VSIG1: variants seen among roughly 807,000 people sequenced by gnomAD.
VSIG1 encodes the protein V-set and immunoglobulin domain-containing protein 1.
A neutral mutation model predicts 20.1 loss-of-function variants in VSIG1; 11 were observed. The observed-to-expected ratio is 0.55, with a 90% confidence interval of 0.34 to 0.91. The LOEUF is 0.91. Ranked by LOEUF, VSIG1 falls within the 40% of genes least tolerant of loss-of-function variation. VSIG1 has a pLI of 0.02. For synonymous variants in VSIG1, 126 were observed against 116.7 expected, an observed-to-expected ratio of 1.08 and a Z score of -0.52; for missense variants, 283 against 298.8, an observed-to-expected ratio of 0.95 and a Z score of 0.39.
At chrX:108,072,371 C>A (rs1275109896) in intron 3 of VSIG1, among the ~76,000 whole-genome samples, 1 of 110,814 alleles carries the variant, frequency 9.0e-6, no homozygotes, top group Admixed American at 9.6e-5. Context: ...TACTGCCTCA[C>A]CCTCCCAAGT....
chrX:108,047,895 T>TAC (rs2030652167), intron 1 of VSIG1, among the ~76,000 whole-genome samples: 4 of 45,659 alleles, frequency 8.8e-5, no homozygotes, highest in African/African-American at 5.8e-4. Context: ...TACACACATA[T>TAC]ATATATATAC....
the VSIG1 span, among the ~76,000 whole-genome samples, chrX:108,024,623 C>T: frequency 9.1e-6 from 1 of 109,862 alleles, no homozygotes; most frequent in African/African-American, 3.3e-5. Context: ...TCTGCTGCAT[C>T]CCACAAGTTT....
intron 1 of VSIG1, among the ~76,000 whole-genome samples, chrX:108,057,426 G>A (rs972941076): frequency 8.9e-6 from 1 of 112,027 alleles, no homozygotes. Flanking sequence ...TATGAATAAG[G>A]TCGATAGGTT....
chrX:108,019,966 G>A, the VSIG1 span, among the ~76,000 whole-genome samples: 1 of 111,478 alleles, frequency 9.0e-6, no homozygotes, highest in Non-Finnish European at 1.9e-5. Flanking sequence ...GCTCCCAGCC[G>A]ATCTTGGTTA....
chrX:108,047,943 T>TATATATAC (rs1569287357), intron 1 of VSIG1, among the ~76,000 whole-genome samples: 1 of 33,359 alleles, frequency 3.0e-5, no homozygotes, highest in Non-Finnish European at 4.5e-5. Flanking sequence ...TACACATATA[T>TATATATAC]ATATATATAT....
intron 2 of VSIG1, chrX:108,064,896 T>A (rs1020555485): frequency 1.2e-5 from 3 of 250,079 alleles, no homozygotes; most frequent in African/African-American, 9.0e-5. Flanking sequence ...ATGAAAGTAA[T>A]CCTCTGATGT....
chrX:108,034,667 A>G, the VSIG1 span, among the ~76,000 whole-genome samples: 6 of 112,612 alleles, frequency 5.3e-5, no homozygotes, highest in South Asian at 2.2e-3. Context: ...CACTGTTTTA[A>G]GCACTTCACA....
chrX:108,057,219 G>A (rs913489480), intron 1 of VSIG1, among the ~76,000 whole-genome samples: 3 of 112,358 alleles, frequency 2.7e-5, no homozygotes, highest in Admixed American at 1.9e-4. Flanking sequence ...ATTAGTGGTT[G>A]TCCATGGTTA....
rs1212364995 is a variant in VSIG1, at chrX:108,077,103, G to A, written c.886G>A (p.Ala296Thr). 1.7e-6 allele frequency: 2 copies of A among 1,210,087 alleles called. No homozygotes were observed. Among genetic ancestry groups the A allele is most frequent in the East Asian group, 3.0e-5 (1 of 33,778 alleles). Reference protein sequence around the residue: ...GESEAMPREDATQLEVTLPSS... With the variant: ...GESEAMPREDTTQLEVTLPSS... ...AAGCGAAGCAATGCCAAGAGAAGAC[G>A]CTACCCAACTAGAAGTAACTCTACC... Residue 296 changes from alanine to threonine, a missense_variant, in exon 7 of 7, where the codon GCT becomes ACT. Coordinates refer to ENST00000217957, the MANE Select transcript of VSIG1 (RefSeq NM_182607.5).
At chrX:108,025,264 A>T in the VSIG1 span, among the ~76,000 whole-genome samples, 1 of 112,086 alleles carries the variant, frequency 8.9e-6, no homozygotes, top group African/African-American at 3.2e-5. Context: ...CATTATACTT[A>T]TTGTTCACTA....
At chrX:108,028,646 T>TG in the VSIG1 span, among the ~76,000 whole-genome samples, 1 of 111,143 alleles carries the variant, frequency 9.0e-6, no homozygotes, top group Admixed American at 9.6e-5. Context: ...CATGAGAGAC[T>TG]GAGAGATCAA....
At chrX:108,046,955 GT>G (rs1478565507) in intron 1 of VSIG1, among the ~76,000 whole-genome samples, 1 of 110,591 alleles carries the variant, frequency 9.0e-6, no homozygotes, top group African/African-American at 3.3e-5. Context: ...AGTAGTGTCA[GT>G]ACAGCAAATT....
chrX:108,066,953 T>G lies in VSIG1; in HGVS notation c.231T>G (p.Gly77=). The stretch of plus-strand genomic sequence containing the variant: ...CTGTCTAGATTTACTTTTCTCAAGG[T>G]GGACAAGCTGTAGCCATCGGGCAAT... ...MEPISIYFSQ[G]GQAVAIGQFK... Residue 77 remains glycine (G), a synonymous_variant, in exon 3 of 7, where the codon GGT becomes GGG. Transcript: ENST00000217957. 1 of 1,211,293 alleles carries G rather than the reference T, an allele frequency of 8.3e-7. No homozygotes were observed. The highest frequency in any genetic ancestry group is 1.1e-6 in the Non-Finnish European group (1 of 895,110).
intron 4 of VSIG1, 80 bp from the exon 5 acceptor site, chrX:108,073,170 G>A (rs2031284239): frequency 9.2e-7 from 1 of 1,089,365 alleles, no homozygotes. Flanking sequence ...GGGAGTGGGT[G>A]GACATTGAGT....
rs1569287450 is a variant in VSIG1, at chrX:108,047,963, T to TATATATATATATATACAC, written c.49+2799_49+2800insCACATATATATATATATA. ...ATATATATATATATATACACACACA[T>TATATATATATATATACAC]ATATATATATATATATATATATATA... On this transcript the variant is annotated intron_variant, in intron 1 of 6. Coordinates refer to ENST00000217957, the MANE Select transcript of VSIG1 (RefSeq NM_182607.5). Among the ~76,000 whole-genome samples the TATATATATATATATACAC allele has an allele frequency of 4.5e-3, 36 of 7,954 alleles. 2 individuals are homozygous for TATATATATATATATACAC. The highest frequency in any genetic ancestry group is 8.1e-3 in the Non-Finnish European group (25 of 3,069). The allele number at this position is 7,954 out of a possible 115,157, so 6.9% of individuals were successfully genotyped here.
chrX:108,042,177 T>G (rs1438783310), upstream of VSIG1, among the ~76,000 whole-genome samples: 2 of 112,072 alleles, frequency 1.8e-5, no homozygotes, highest in Non-Finnish European at 3.8e-5. Context: ...ATAACAGAAT[T>G]CTTCCTGTCC....
the VSIG1 span, among the ~76,000 whole-genome samples, chrX:108,024,518 C>T: frequency 9.3e-6 from 1 of 107,786 alleles, no homozygotes; most frequent in Admixed American, 1.0e-4. Context: ...TTCCTAGTTT[C>T]TTAAGGTGCA....
In VSIG1 at chrX:108,054,413, A is replaced by G. The variant is rs376024435; in HGVS notation, c.50-3625A>G. On this transcript the variant is annotated intron_variant, in intron 1 of 6. Transcript: ENST00000217957. ...GAAGATCTGAAAAAGACAGTCAATT[A>G]ACAGGATCCAGTTGAATATTTTTAC... Among the ~76,000 whole-genome samples, 13 of 111,830 alleles carry G rather than the reference A, an allele frequency of 1.2e-4. No individual in the cohort carries two copies. The East Asian group carries it at 3.6e-3, about 31-fold the overall frequency.
the VSIG1 span, among the ~76,000 whole-genome samples, chrX:108,039,306 C>T: frequency 8.9e-6 from 1 of 111,905 alleles, no homozygotes; most frequent in Admixed American, 9.5e-5. Context: ...TCTCAGCCTC[C>T]CGAGTAGCTG....
Sources: allele counts gnomAD v4.1 joint callset (sites outside exome capture counted in the v4.1 genomes callset), GRCh38; gene constraint gnomAD v4.1.1; transcripts MANE v1.5; gene names NCBI Gene and HGNC (gene_info 2026-07-23, HGNC 2026-07-21).